The following ZNF506 variants were observed in gnomAD, a reference collection of about 807,000 sequenced individuals.
The protein encoded by ZNF506 is zinc finger protein 506.
ZNF506 carries 10 observed loss-of-function variants against 11.6 expected under a neutral mutation model. The observed-to-expected ratio is 0.86, with a 90% CI of 0.53 to 1.46. The LOEUF (loss-of-function observed/expected upper bound fraction) is 1.46. Among genes scored for constraint, ZNF506 ranks in the 40% most tolerant of loss-of-function variants. The pLI is 0.00. For missense variants in ZNF506, 425 were observed against 521.2 expected, an observed-to-expected ratio of 0.82 and a Z score of 1.80; for synonymous variants, 156 against 173.3, an observed-to-expected ratio of 0.90 and a Z score of 0.78.
chr19:19,796,343 T>C (rs1191795860), intron 3 of ZNF506: 1 of 152,092 alleles, frequency 6.6e-6, no homozygotes, highest in Non-Finnish European at 1.5e-5. Flanking sequence ...ACAAGAAAAG[T>C]ATTGGCACAT....
chr19:19,793,329 T>C lies in ZNF506; in HGVS notation c.*1223A>G, dbSNP rs541838279. 1.3e-5 allele frequency among the ~76,000 whole-genome samples: 2 copies of C among 152,330 alleles called. No individual in the cohort carries two copies. Among genetic ancestry groups the C allele is most frequent in the Non-Finnish European group, 2.9e-5 (2 of 68,024 alleles). On this transcript the variant is annotated 3_prime_UTR_variant, in exon 4 of 4. Coordinates refer to ENST00000540806, the MANE Select transcript of ZNF506 (RefSeq NM_001099269.3). ...AATCAATTTTGAATTAAATATTTTT[T>C]TCATATTTACATCTGCAAAAATATA...
intron 1 of ZNF506, among the ~76,000 whole-genome samples, chr19:19,817,738 C>T (rs2062944416): frequency 6.6e-6 from 1 of 152,000 alleles, no homozygotes; most frequent in Non-Finnish European, 1.5e-5. Flanking sequence ...ATTTCCATGT[C>T]AGAGTTATTC....
chr19:19,804,747 G>A lies in ZNF506; in HGVS notation c.226+1284C>T, dbSNP rs576926260. Among the ~76,000 whole-genome samples, 23 of 152,282 alleles carry A rather than the reference G, an allele frequency of 1.5e-4. No individual in the cohort carries two copies. In the South Asian group the frequency reaches 4.8e-3, roughly 32 times the overall value. On this transcript the variant is annotated intron_variant, in intron 3 of 3. Coordinates refer to ENST00000540806, the MANE Select transcript of ZNF506 (RefSeq NM_001099269.3). ...GCACATATTCACCATGGAATACTAT[G>A]CAGCCACAAAAAAGGATGAGTTCAT...
rs747582998 is a variant in ZNF506, at chr19:19,806,073, GT to G, written c.183del (p.Lys61AsnfsTer3). ...ATCTCATGCCTCTTCATAGTTAAAGGTTTTTTTCCTTGCTCCAGACAGGTGA... is the reference window on the plus strand; with the variant it reads ...ATCTCATGCCTCTTCATAGTTAAAGGTTTTTTCCTTGCTCCAGACAGGTGA... The part of the protein sequence containing the change: ...NLITCLEQGK[K>X]PLTMKRHEMI... On this transcript the variant is annotated frameshift_variant, in exon 3 of 4. Transcript: ENST00000540806. LOFTEE classifies it low-confidence loss of function (END_TRUNC). 20 of 1,608,514 alleles carry G rather than the reference GT, an allele frequency of 1.2e-5. No homozygotes were observed. The Admixed American group carries it at 2.9e-4, about 23-fold the overall frequency.
chr19:19,817,877 C>T (rs984297608), intron 1 of ZNF506, among the ~76,000 whole-genome samples: 2 of 146,502 alleles, frequency 1.4e-5, no homozygotes, highest in Non-Finnish European at 3.0e-5. Flanking sequence ...CACCAGGCTG[C>T]AATGCAATGG....
At chr19:19,820,536 T>C (rs1298956238) in intron 1 of ZNF506, 2 of 151,822 alleles carry the variant, frequency 1.3e-5, no homozygotes, top group Non-Finnish European at 2.9e-5. Flanking sequence ...CTACTAAAAA[T>C]ACAAAAAATT....
At chr19:19,808,188 A>G (rs1230664542) in intron 1 of ZNF506, among the ~76,000 whole-genome samples, 1 of 120,722 alleles carries the variant, frequency 8.3e-6, no homozygotes, top group Non-Finnish European at 1.6e-5. Flanking sequence ...CAGTGGCGCG[A>G]TCTCGGCTCA....
At chr19:19,800,391 A>AAGATATATATATATATATATATATAT (rs2062780136) in intron 3 of ZNF506, among the ~76,000 whole-genome samples, 1 of 139,244 alleles carries the variant, frequency 7.2e-6, no homozygotes, top group African/African-American at 2.6e-5. Context: ...AACTAAACAG[A>AAGATATATATATATATATATATATAT]ATATATATAT....
intron 3 of ZNF506, chr19:19,796,141 G>T: frequency 6.1e-6 from 1 of 162,972 alleles, no homozygotes; most frequent in South Asian, 1.5e-4. Flanking sequence ...CGTTAGCCAG[G>T]TGTGGTAACA....
chr19:19,808,797 C>T (rs898839490), intron 1 of ZNF506, among the ~76,000 whole-genome samples: 1 of 144,760 alleles, frequency 6.9e-6, no homozygotes, highest in Non-Finnish European at 1.5e-5. Context: ...GAGCCAAGAT[C>T]GCGCTACTAT....
In ZNF506 at chr19:19,795,306, A is replaced by G. The variant is rs754656840; in HGVS notation, c.581T>C (p.Ile194Thr). 1.7e-5 allele frequency: 28 copies of G among 1,613,794 alleles called. No individual in the cohort carries two copies. The highest frequency in any genetic ancestry group is 6.7e-5 in the African/African-American group (5 of 74,902). Residue 194 changes from isoleucine (I) to threonine (T), a missense_variant, in exon 4 of 4, where the codon ATT (isoleucine) becomes ACT (threonine). This residue lies in a region of ZNF506 where 226 missense variants were observed against 279.1 expected (regional missense o/e 0.81). Coordinates refer to ENST00000540806, the MANE Select transcript of ZNF506 (RefSeq NM_001099269.3). ...QSSTRTTYKK[I>T]DAGEKRYKCE... is the part of the protein sequence containing the mutation. ...TTTATAGCGTTTCTCTCCAGCATCA[A>G]TTTTCTTATATGTAGTACGGGTTGA...
At position 19,795,837 on chromosome 19, in the gene ZNF506, A is replaced by AAAT; in HGVS notation, c.227-178_227-177insATT. ...AACAAAAACATACTGACCAAAATAC[A>AAAT]TTTGTAAAAAATTTATAAATTAGTT... On this transcript the variant is annotated intron_variant, in intron 3 of 3. Coordinates refer to ENST00000540806, the MANE Select transcript of ZNF506 (RefSeq NM_001099269.3). The AAAT allele has an allele frequency of 7.8e-6, 5 of 644,782 alleles. No homozygotes were observed. The South Asian group carries it at 1.2e-4, about 16-fold the overall frequency. 39.9% of individuals were successfully genotyped at this position (644,782 alleles called of 1,614,324 possible).
chr19:19,807,334 T>G (rs2062843470), intron 1 of ZNF506, among the ~76,000 whole-genome samples: 1 of 152,210 alleles, frequency 6.6e-6, no homozygotes, highest in Non-Finnish European at 1.5e-5. Flanking sequence ...AACACGAACA[T>G]GTACATTTTT....
chr19:19,793,063 T>TA lies in ZNF506; in HGVS notation c.*1488dup, dbSNP rs1448854122. On this transcript the variant is annotated 3_prime_UTR_variant, in exon 4 of 4. Transcript: ENST00000540806. Reference sequence around the variant, plus strand: ...CTTTCACATGTGACCACAATAGGAATAAAATAACAGCGTAAAGAAATTTGA... The same window carrying TA: ...CTTTCACATGTGACCACAATAGGAATAAAAATAACAGCGTAAAGAAATTTGA... Among the ~76,000 whole-genome samples the TA allele has an allele frequency of 6.6e-6, 1 of 152,168 alleles. No individual in the cohort carries two copies. Among genetic ancestry groups the TA allele is most frequent in the Admixed American group, 6.5e-5 (1 of 15,270 alleles).
chr19:19,816,878 G>T (rs993011248), intron 1 of ZNF506, among the ~76,000 whole-genome samples: 9 of 137,486 alleles, frequency 6.5e-5, no homozygotes, highest in African/African-American at 2.2e-4. Flanking sequence ...GGAGTGCAAC[G>T]GCGCCGTCTT....
intron 1 of ZNF506, among the ~76,000 whole-genome samples, chr19:19,810,148 C>T (rs2062873060): frequency 6.6e-6 from 1 of 152,262 alleles, no homozygotes; most frequent in African/African-American, 2.4e-5. Flanking sequence ...AAACAAGTTC[C>T]CTGTCAATGC....
intron 3 of ZNF506, among the ~76,000 whole-genome samples, chr19:19,801,172 AAAAAG>A (rs1296488653): frequency 1.3e-5 from 2 of 152,140 alleles, no homozygotes; most frequent in East Asian, 1.9e-4. Context: ...AAAAAAATAA[AAAAAG>A]AAAAGAAAAC....
At chr19:19,811,484 A>G (rs2062882433) in intron 1 of ZNF506, among the ~76,000 whole-genome samples, 1 of 152,156 alleles carries the variant, frequency 6.6e-6, no homozygotes, top group South Asian at 2.1e-4. Context: ...TTAGAAAATA[A>G]ATACGTACAC....
At chr19:19,816,975 A>G (rs2062937909) in intron 1 of ZNF506, among the ~76,000 whole-genome samples, 1 of 149,674 alleles carries the variant, frequency 6.7e-6, no homozygotes, top group Non-Finnish European at 1.5e-5. Flanking sequence ...TTTTTTTTGT[A>G]TTTTTAGTAG....
Sources: allele counts gnomAD v4.1 joint callset (sites outside exome capture counted in the v4.1 genomes callset), GRCh38; gene constraint gnomAD v4.1.1; regional missense constraint gnomAD v4.1.1; transcripts MANE v1.5; gene names NCBI Gene and HGNC (gene_info 2026-07-23, HGNC 2026-07-21).